The following ARHGAP40 variants were observed in gnomAD, a reference collection of about 807,000 sequenced individuals.
ARHGAP40 encodes the protein rho GTPase-activating protein 40.
ARHGAP40 carries 43 observed loss-of-function variants against 73.5 expected under a neutral mutation model. The observed-to-expected ratio is 0.58, with a 90% CI of 0.46 to 0.75. The LOEUF (loss-of-function observed/expected upper bound fraction) is 0.75, where lower values mean the gene tolerates loss of function less well. Ranked by LOEUF, ARHGAP40 falls within the 30% of genes least tolerant of loss-of-function variation. The pLI is 0.00. For synonymous variants in ARHGAP40, 300 were observed against 352.8 expected (o/e 0.85, Z 1.68); for missense variants, 734 against 861.8 (o/e 0.85, Z 1.86).
intron 1 of ARHGAP40, chr20:38,614,941 GA>G: frequency 7.6e-7 from 1 of 1,317,826 alleles, no homozygotes; most frequent in Non-Finnish European, 1.1e-6. Context: ...AGTACTCTCC[GA>G]AGGCTGGAGG....
chr20:38,623,539 T>C (rs1319990774), exon 2 of ARHGAP40: 1 of 1,289,674 alleles, frequency 7.8e-7, no homozygotes, highest in Non-Finnish European at 1.0e-6. Context: ...GTGGCGGGAA[T>C]GAAGGCCAGC....
At chr20:38,604,383 T>C (rs1401439564) in intron 1 of ARHGAP40, among the ~76,000 whole-genome samples, 2 of 150,900 alleles carry the variant, frequency 1.3e-5, no homozygotes, top group East Asian at 3.9e-4. Flanking sequence ...CATTTTTACT[T>C]CCAGAACAGT....
exon 1 of ARHGAP40, chr20:38,601,835 T>G (rs2145588855): frequency 8.2e-7 from 1 of 1,225,710 alleles, no homozygotes; most frequent in East Asian, 5.7e-5. Context: ...GTCTGGGAAC[T>G]GGGTGCGCCA....
At position 38,646,597 on chromosome 20, in the gene ARHGAP40, T is replaced by C. The variant is rs6027021; in HGVS notation, c.1711-360T>C. 1.6e-3 allele frequency among the ~76,000 whole-genome samples: 238 copies of C among 152,232 alleles called. 1 individual carries two copies. Among genetic ancestry groups the C allele is most frequent in the Middle Eastern group, 6.8e-3 (2 of 294 alleles). ...TCCTGAACACGGTTCCTTATTAAAG[T>C]CCCGATTAGAGAAATTGATGAGCGT... On this transcript the variant is annotated intron_variant, in intron 12 of 14. Coordinates refer to ENST00000373345, the Ensembl canonical transcript of ARHGAP40. This position sits in a 1 kb window ranked among gnomAD's most constrained non-coding sequence, Gnocchi z 4.5.
chr20:38,649,211 G>T (rs2145617960), intron 14 of ARHGAP40, among the ~76,000 whole-genome samples: 2 of 152,336 alleles, frequency 1.3e-5, no homozygotes, highest in African/African-American at 4.8e-5. Flanking sequence ...GACACAGATT[G>T]CGGGGCCTAA....
intron 5 of ARHGAP40, among the ~76,000 whole-genome samples, chr20:38,630,375 A>G (rs1470330277): frequency 6.6e-6 from 1 of 151,980 alleles, no homozygotes; most frequent in East Asian, 1.9e-4. Context: ...GCATGCCACC[A>G]TGCCCAGCTA....
At chr20:38,629,048 C>A in intron 4 of ARHGAP40, 46 bp downstream of exon 4, 2 of 1,257,332 alleles carry the variant, frequency 1.6e-6, no homozygotes, top group Non-Finnish European at 1.0e-6. Context: ...CTCCAGGCTG[C>A]ATAAAGGGCT....
chr20:38,602,862 G>A (rs1192603790), intron 1 of ARHGAP40, among the ~76,000 whole-genome samples: 2 of 152,172 alleles, frequency 1.3e-5, no homozygotes, highest in Non-Finnish European at 1.5e-5. Flanking sequence ...TTAGTGGCCT[G>A]CCAGGATCCA....
At chr20:38,635,134 C>A (rs1211716721) in intron 6 of ARHGAP40, among the ~76,000 whole-genome samples, 1 of 152,080 alleles carries the variant, frequency 6.6e-6, no homozygotes. Context: ...CCTGCCTCAG[C>A]CTCCCAAAGT....
In ARHGAP40 at chr20:38,616,935, CTTTA is replaced by C. The variant is rs3064344; in HGVS notation, c.138-6400_138-6397del. On this transcript the variant is annotated intron_variant, in intron 1 of 14. Transcript: ENST00000373345. The stretch of plus-strand genomic sequence containing the variant: ...TGCTGTTAGTACTGAGCTTGAGGAA[CTTTA>C]TTTATTTATTTATTTATTTATTTTG... Among the ~76,000 whole-genome samples, 93 of 149,980 alleles carry C rather than the reference CTTTA, an allele frequency of 6.2e-4. 2 individuals are homozygous for C. The highest frequency in any genetic ancestry group is 3.5e-3 in the Middle Eastern group (1 of 288).
chr20:38,614,873 C>T (rs1423520182), intron 1 of ARHGAP40: 9 of 1,178,854 alleles, frequency 7.6e-6, no homozygotes, highest in African/African-American at 3.0e-5. Flanking sequence ...ACGTCCTGAG[C>T]GTCACATCCC....
intron 1 of ARHGAP40, among the ~76,000 whole-genome samples, chr20:38,605,631 G>A (rs2088766815): frequency 6.6e-6 from 1 of 152,260 alleles, no homozygotes; most frequent in African/African-American, 2.4e-5. Context: ...AAAAAAAGTA[G>A]CAAGTGAAAT....
At chr20:38,618,748 A>G (rs539809680) in intron 1 of ARHGAP40, among the ~76,000 whole-genome samples, 1 of 151,944 alleles carries the variant, frequency 6.6e-6, no homozygotes, top group Non-Finnish European at 1.5e-5. Context: ...CAACATAGCA[A>G]CCCCTTCCAA....
At chr20:38,630,838 A>G (rs1243702890) in intron 5 of ARHGAP40, among the ~76,000 whole-genome samples, 1 of 152,156 alleles carries the variant, frequency 6.6e-6, no homozygotes, top group African/African-American at 2.4e-5. Context: ...GACTTCTCTC[A>G]TGGAGTAAAT....
In ARHGAP40 at chr20:38,639,253, C is replaced by T. The variant is rs1323181653; in HGVS notation, c.1146C>T (p.Asp382=). The T allele has an allele frequency of 3.8e-6, 5 of 1,305,366 alleles. No homozygotes were observed. The African/African-American group carries it at 7.6e-5, about 20-fold the overall frequency. The allele number at this position is 1,305,366 out of a possible 1,614,324, so 80.9% of individuals were successfully genotyped here. ...GGCTGGAACAGAAACTGGAGAGAGA[C>T]TTCTATGCTGGCCTTTTTAGCTGGG... Residue 382 remains aspartate, a synonymous_variant, in exon 9 of 15, where the codon GAC becomes GAT. Coordinates refer to ENST00000373345, the Ensembl canonical transcript of ARHGAP40.
chr20:38,601,998 C>T (rs1207848741), exon 1 of ARHGAP40: 1 of 1,287,670 alleles, frequency 7.8e-7, no homozygotes, highest in African/African-American at 1.5e-5. Context: ...GCCCCAGGGC[C>T]CCTAGCCTCA....
chr20:38,649,824 G>C, exon 15 of ARHGAP40: 1 of 1,305,202 alleles, frequency 7.7e-7, no homozygotes, highest in Non-Finnish European at 1.0e-6. Flanking sequence ...ATGGTGAGTG[G>C]GTCCTTAAAC....
intron 1 of ARHGAP40, among the ~76,000 whole-genome samples, chr20:38,606,432 C>T (rs550123817): frequency 6.6e-6 from 1 of 152,204 alleles, no homozygotes; most frequent in Non-Finnish European, 1.5e-5. Context: ...CAATTAGACT[C>T]ACCAAGTGGG....
chr20:38,605,646 C>A (rs1383801082), intron 1 of ARHGAP40, among the ~76,000 whole-genome samples: 5 of 152,134 alleles, frequency 3.3e-5, no homozygotes, highest in Admixed American at 3.3e-4. Flanking sequence ...TGAAATCCAC[C>A]TGCCCCTCCC....
Sources: gnomAD v4.1 joint callset for allele counts (sites outside exome capture counted in the v4.1 genomes callset) on GRCh38, gnomAD v4.1.1 for gene constraint, Gnocchi (gnomAD v3.1) non-coding constraint, MANE v1.5 for transcripts, NCBI Gene and HGNC (gene_info 2026-07-23, HGNC 2026-07-21) for gene names.